The following BANF2 variants were observed in gnomAD, a reference collection of about 807,000 sequenced individuals.
The protein encoded by BANF2 is BANF family member 2.
In BANF2, 4 loss-of-function variants were observed where a neutral mutation model predicts 8.0. The ratio of observed to expected loss-of-function variants is 0.50; its 90% confidence interval spans 0.25 to 1.14. The LOEUF is 1.14. Ranked by LOEUF, BANF2 falls within the 50% of genes most tolerant of loss-of-function variation. BANF2 has a pLI of 0.16. For missense variants in BANF2, 96 were observed against 107.5 expected, an observed-to-expected ratio of 0.89 and a Z score of 0.47; for synonymous variants, 50 against 40.6, an observed-to-expected ratio of 1.23 and a Z score of -0.88.
intron 3 of BANF2, among the ~76,000 whole-genome samples, chr20:17,733,864 C>A (rs1198369922): frequency 6.6e-6 from 1 of 152,176 alleles, no homozygotes; most frequent in Non-Finnish European, 1.5e-5. Context: ...TATTTGATTT[C>A]TCTTCTTAAA....
intron 1 of BANF2, among the ~76,000 whole-genome samples, chr20:17,716,841 CAAAAA>C (rs36007590): frequency 1.1e-5 from 1 of 89,906 alleles, no homozygotes; most frequent in African/African-American, 4.4e-5. Context: ...GACTCCATCT[CAAAAA>C]AAAAAAAAAA....
At chr20:17,713,055 C>T (rs2037598747) in intron 1 of BANF2, among the ~76,000 whole-genome samples, 1 of 151,972 alleles carries the variant, frequency 6.6e-6, no homozygotes, top group South Asian at 2.1e-4. Context: ...CAAGACCAGC[C>T]TGGGCAACTT....
At chr20:17,700,862 C>T (rs151332982) in intron 1 of BANF2, among the ~76,000 whole-genome samples, 183 of 152,322 alleles carry the variant, frequency 1.2e-3, no homozygotes, top group Non-Finnish European at 2.3e-3. Context: ...ATGGCCCATT[C>T]GTGTTTTCCC....
chr20:17,699,953 G>T, upstream of BANF2: 1 of 983,576 alleles, frequency 1.0e-6, no homozygotes, highest in East Asian at 1.1e-4. Flanking sequence ...AGACTGATTT[G>T]CCCCATGGGC....
chr20:17,698,469 G>A (rs1312144218), upstream of BANF2, among the ~76,000 whole-genome samples: 1 of 152,224 alleles, frequency 6.6e-6, no homozygotes, highest in African/African-American at 2.4e-5. Flanking sequence ...CCTAGCATAG[G>A]CACCTACGGG....
At chr20:17,730,914 T>A (rs2037885201) in intron 3 of BANF2, among the ~76,000 whole-genome samples, 2 of 152,150 alleles carry the variant, frequency 1.3e-5, no homozygotes, top group South Asian at 4.1e-4. Context: ...ATTTTCTTAG[T>A]GTAAAATTAA....
intron 1 of BANF2, among the ~76,000 whole-genome samples, chr20:17,703,850 C>A (rs901348702): frequency 6.6e-6 from 1 of 150,746 alleles, no homozygotes; most frequent in Non-Finnish European, 1.5e-5. Context: ...TGGGTTCAAG[C>A]GATTCTCCTG....
intron 1 of BANF2, among the ~76,000 whole-genome samples, chr20:17,717,768 TGCAGATTCCCCTG>T (rs2037676637): frequency 2.6e-5 from 4 of 152,228 alleles, no homozygotes; most frequent in Non-Finnish European, 5.9e-5. Flanking sequence ...TTCCCACAGA[TGCAGATTCCCCTG>T]CCCAACCCCT....
chr20:17,697,387 G>C (rs925655165), upstream of BANF2, among the ~76,000 whole-genome samples: 1 of 152,156 alleles, frequency 6.6e-6, no homozygotes, highest in Non-Finnish European at 1.5e-5. Flanking sequence ...GAGCATATCA[G>C]CTCATGTGTT....
intron 1 of BANF2, among the ~76,000 whole-genome samples, chr20:17,718,090 T>A (rs1600221752): frequency 6.6e-6 from 1 of 152,250 alleles, no homozygotes; most frequent in Non-Finnish European, 1.5e-5. Flanking sequence ...CATGTAGCAA[T>A]CTGTTAATGG....
At chr20:17,711,228 A>C (rs911400351) in intron 1 of BANF2, among the ~76,000 whole-genome samples, 4 of 152,128 alleles carry the variant, frequency 2.6e-5, no homozygotes, top group Non-Finnish European at 5.9e-5. Context: ...GCCAGTGTGG[A>C]GCCACTTGCC....
intron 1 of BANF2, among the ~76,000 whole-genome samples, chr20:17,710,554 G>A (rs1415863084): frequency 2.0e-5 from 3 of 152,156 alleles, no homozygotes; most frequent in Admixed American, 6.5e-5. Context: ...CATTTCTCCC[G>A]CTTGCCTGTG....
At chr20:17,724,760 CTT>C (rs964486076) in intron 2 of BANF2, among the ~76,000 whole-genome samples, 6 of 152,348 alleles carry the variant, frequency 3.9e-5, no homozygotes, top group African/African-American at 1.4e-4. Flanking sequence ...TAAGCACACT[CTT>C]TTCGTGGAAA....
upstream of BANF2, among the ~76,000 whole-genome samples, chr20:17,698,537 T>C (rs2037369728): frequency 1.3e-5 from 2 of 152,254 alleles, no homozygotes; most frequent in Non-Finnish European, 2.9e-5. Flanking sequence ...TTATTCCACC[T>C]GAGCAGGGAG....
intron 1 of BANF2, among the ~76,000 whole-genome samples, chr20:17,701,983 A>G (rs1221693359): frequency 6.6e-6 from 1 of 152,152 alleles, no homozygotes; most frequent in Non-Finnish European, 1.5e-5. Context: ...GTGTGTTTCC[A>G]GAGATTATTC....
intron 1 of BANF2, among the ~76,000 whole-genome samples, chr20:17,715,210 T>C (rs2037633290): frequency 6.6e-6 from 1 of 152,176 alleles, no homozygotes; most frequent in Non-Finnish European, 1.5e-5. Context: ...CGCCACCTCC[T>C]TCCTAGTTCC....
intron 2 of BANF2, among the ~76,000 whole-genome samples, chr20:17,723,898 G>C (rs746550359): frequency 1.1e-4 from 16 of 152,176 alleles, no homozygotes; most frequent in Non-Finnish European, 2.1e-4. Flanking sequence ...GGGAGGCTGA[G>C]GCAGGAGAAT....
chr20:17,733,332 G>A (rs2037929199), intron 3 of BANF2, among the ~76,000 whole-genome samples: 1 of 152,208 alleles, frequency 6.6e-6, no homozygotes, highest in Admixed American at 6.5e-5. Flanking sequence ...GTACATGTGA[G>A]GATCAGGTGG....
At chr20:17,709,488 T>C (rs2037536940) in intron 1 of BANF2, among the ~76,000 whole-genome samples, 1 of 152,212 alleles carries the variant, frequency 6.6e-6, no homozygotes. Flanking sequence ...ATGAGTGGAA[T>C]GAAGGCAATG....
Sources: gnomAD v4.1 joint callset for allele counts (sites outside exome capture counted in the v4.1 genomes callset) on GRCh38, gnomAD v4.1.1 for gene constraint, MANE v1.5 for transcripts, NCBI Gene and HGNC (gene_info 2026-07-23, HGNC 2026-07-21) for gene names.